The following RBPMS variants were observed in gnomAD, a reference collection of about 807,000 sequenced individuals.
RBPMS encodes RNA-binding protein with multiple splicing.
RBPMS carries 7 observed loss-of-function variants against 26.8 expected under a neutral mutation model. That is an observed-to-expected ratio of 0.26 (90% confidence interval 0.15 to 0.49). The LOEUF (loss-of-function observed/expected upper bound fraction) is 0.49, where lower values mean the gene tolerates loss of function less well. RBPMS is among the 20% of genes least tolerant of loss of function. The pLI is 0.98. For missense variants in RBPMS, 186 were observed against 250.0 expected (o/e 0.74, Z 1.73); for synonymous variants, 96 against 93.3 (o/e 1.03, Z -0.17).
chr8:30,517,497 A>G (rs894620357), intron 5 of RBPMS, among the ~76,000 whole-genome samples: 4 of 152,162 alleles, frequency 2.6e-5, no homozygotes, highest in African/African-American at 9.7e-5. Flanking sequence ...CTGTCTTTTA[A>G]TTAAATAGCC....
At chr8:30,432,338 T>C (rs1812033062) in intron 1 of RBPMS, among the ~76,000 whole-genome samples, 1 of 152,202 alleles carries the variant, frequency 6.6e-6, no homozygotes, top group African/African-American at 2.4e-5. Flanking sequence ...AAGTTAGCCC[T>C]GCATCTCATT....
chr8:30,494,742 G>T (rs1235703355), intron 4 of RBPMS, among the ~76,000 whole-genome samples: 1 of 152,128 alleles, frequency 6.6e-6, no homozygotes, highest in Non-Finnish European at 1.5e-5. Flanking sequence ...TAGTTTTCTC[G>T]ATACCTTTGC....
At chr8:30,462,492 C>T (rs149794975) in intron 1 of RBPMS, among the ~76,000 whole-genome samples, 3 of 152,062 alleles carry the variant, frequency 2.0e-5, no homozygotes, top group East Asian at 1.9e-4. Flanking sequence ...GGTGCAATCT[C>T]GGCTCACTCC....
intron 1 of RBPMS, among the ~76,000 whole-genome samples, chr8:30,415,929 A>G (rs1810014044): frequency 6.6e-6 from 1 of 152,232 alleles, no homozygotes; most frequent in Non-Finnish European, 1.5e-5. Context: ...TATACTTAAA[A>G]TTACTGTGTA....
intron 5 of RBPMS, among the ~76,000 whole-genome samples, chr8:30,536,875 T>C (rs907471716): frequency 3.9e-5 from 6 of 152,226 alleles, no homozygotes; most frequent in East Asian, 1.9e-4. Context: ...GATTTTCTTA[T>C]GTTGTTCATA....
chr8:30,428,330 C>T (rs1264150036), intron 1 of RBPMS, among the ~76,000 whole-genome samples: 2 of 151,882 alleles, frequency 1.3e-5, no homozygotes, highest in African/African-American at 4.8e-5. Flanking sequence ...CATGGGACCC[C>T]ATGTAGTCCC....
At chr8:30,515,895 C>T (rs1043115205) in intron 5 of RBPMS, among the ~76,000 whole-genome samples, 2 of 151,858 alleles carry the variant, frequency 1.3e-5, no homozygotes, top group African/African-American at 4.8e-5. Flanking sequence ...GCAATCCTCC[C>T]ACCTCAGCCT....
intron 1 of RBPMS, among the ~76,000 whole-genome samples, chr8:30,435,662 A>G (rs956548613): frequency 6.6e-6 from 1 of 152,202 alleles, no homozygotes; most frequent in Non-Finnish European, 1.5e-5. Context: ...ACAGCAGCCA[A>G]TGGGGATGTA....
At chr8:30,514,445 C>G (rs969603903) in intron 5 of RBPMS, among the ~76,000 whole-genome samples, 1 of 151,918 alleles carries the variant, frequency 6.6e-6, no homozygotes, top group South Asian at 2.1e-4. Context: ...AGTTTTTGTT[C>G]CAAATAATAA....
intron 1 of RBPMS, among the ~76,000 whole-genome samples, chr8:30,410,125 A>G (rs865858828): frequency 1.4e-4 from 20 of 146,426 alleles, no homozygotes; most frequent in Middle Eastern, 3.2e-3. Context: ...CAAAGCTTAC[A>G]TTCTGGGTGA....
At chr8:30,465,907 A>C (rs1470302168) in intron 1 of RBPMS, among the ~76,000 whole-genome samples, 1 of 152,212 alleles carries the variant, frequency 6.6e-6, no homozygotes, top group Non-Finnish European at 1.5e-5. Context: ...TGGTATACCC[A>C]GTGCTAACTT....
chr8:30,512,461 G>T (rs958149030), intron 5 of RBPMS, among the ~76,000 whole-genome samples: 2 of 151,634 alleles, frequency 1.3e-5, no homozygotes, highest in South Asian at 2.1e-4. Context: ...TGTTTTTTTT[G>T]TTGTTGTTTG....
At chr8:30,543,662 T>C (rs1380884317) in intron 5 of RBPMS, among the ~76,000 whole-genome samples, 1 of 152,108 alleles carries the variant, frequency 6.6e-6, no homozygotes, top group Non-Finnish European at 1.5e-5. Context: ...CCCTCATGTG[T>C]TTGCTGTTAC....
chr8:30,556,132 C>T (rs573283758), intron 6 of RBPMS: 53 of 985,366 alleles, frequency 5.4e-5, no homozygotes, highest in East Asian at 1.1e-4. Flanking sequence ...CACATAGTGT[C>T]CTAGCCTGAG....
At chr8:30,560,261 T>G (rs572711628) in intron 7 of RBPMS, among the ~76,000 whole-genome samples, 1 of 152,302 alleles carries the variant, frequency 6.6e-6, no homozygotes, top group Admixed American at 6.5e-5. Context: ...ACTTCATGTT[T>G]GAAGTTCTCA....
intron 1 of RBPMS, among the ~76,000 whole-genome samples, chr8:30,431,639 C>T (rs909368139): frequency 6.6e-6 from 1 of 151,996 alleles, no homozygotes; most frequent in Non-Finnish European, 1.5e-5. Context: ...TTAGTGGAGA[C>T]AAGGTTTCTC....
chr8:30,556,791 G>C, intron 6 of RBPMS: 19 of 985,916 alleles, frequency 1.9e-5, no homozygotes, highest in Non-Finnish European at 2.3e-5. Flanking sequence ...GCCATGAGCC[G>C]TGGGTAGGTA....
intron 1 of RBPMS, among the ~76,000 whole-genome samples, chr8:30,411,832 C>T (rs1012854921): frequency 6.6e-6 from 1 of 151,570 alleles, no homozygotes; most frequent in Non-Finnish European, 1.5e-5. Flanking sequence ...TAAAAAAATG[C>T]AGAATTAGCT....
intron 5 of RBPMS, among the ~76,000 whole-genome samples, chr8:30,534,398 A>C (rs1563421046): frequency 6.6e-6 from 1 of 152,232 alleles, no homozygotes; most frequent in Non-Finnish European, 1.5e-5. Context: ...TATACACGTA[A>C]GCACAAAATA....
Sources: gnomAD v4.1 joint callset for allele counts (sites outside exome capture counted in the v4.1 genomes callset) on GRCh38, gnomAD v4.1.1 for gene constraint, MANE v1.5 for transcripts, NCBI Gene and HGNC (gene_info 2026-07-23, HGNC 2026-07-21) for gene names.